Variants in RARB observed in about 807,000 individuals in gnomAD.
The protein encoded by RARB is retinoic acid receptor beta, also known as HBV-activated protein.
A neutral mutation model predicts 51.9 loss-of-function variants in RARB; 17 were observed. That is an observed-to-expected ratio of 0.33 (90% CI 0.22 to 0.49). The LOEUF (loss-of-function observed/expected upper bound fraction) is 0.49, where lower values mean the gene tolerates loss of function less well. Among genes scored for constraint, RARB ranks in the 20% least tolerant of loss-of-function variants. The pLI, the probability that RARB is intolerant of heterozygous loss-of-function variation, is 0.99. For missense variants in RARB, 369 were observed against 550.8 expected, an observed-to-expected ratio of 0.67 and a Z score of 3.30; for synonymous variants, 215 against 195.4, an observed-to-expected ratio of 1.10 and a Z score of -0.84.
intron 5 of RARB, among the ~76,000 whole-genome samples, chr3:25,248,372 T>C (rs1702620257): frequency 6.6e-6 from 1 of 152,192 alleles, no homozygotes. Context: ...CATTCAAGAT[T>C]ATTATTGATA....
At chr3:24,980,264 C>G (rs17422963) in intron 2 of RARB, among the ~76,000 whole-genome samples, 2 of 152,088 alleles carry the variant, frequency 1.3e-5, no homozygotes, top group South Asian at 4.1e-4. Context: ...TTGCTCTTCT[C>G]AAGGAGTATC....
At chr3:25,497,431 T>C (rs1452907019) in intron 2 of RARB, among the ~76,000 whole-genome samples, 1 of 152,150 alleles carries the variant, frequency 6.6e-6, no homozygotes, top group Non-Finnish European at 1.5e-5. Context: ...ACCTCTTCTT[T>C]CGCCAAAATA....
At chr3:24,966,985 C>G (rs1696289089) in intron 2 of RARB, among the ~76,000 whole-genome samples, 1 of 152,120 alleles carries the variant, frequency 6.6e-6, no homozygotes, top group South Asian at 2.1e-4. Context: ...AGTCACAAAC[C>G]AGATGCCCAT....
intron 3 of RARB, among the ~76,000 whole-genome samples, chr3:25,108,376 T>C (rs1699545307): frequency 6.6e-6 from 1 of 152,210 alleles, no homozygotes; most frequent in South Asian, 2.1e-4. Context: ...ACCAGGTAGT[T>C]ATCTTTCAAA....
chr3:25,087,079 A>AT (rs1288673319), intron 3 of RARB, among the ~76,000 whole-genome samples: 1 of 151,988 alleles, frequency 6.6e-6, no homozygotes, highest in Non-Finnish European at 1.5e-5. Context: ...ATATAATTCG[A>AT]TTTTTTTCAG....
intron 3 of RARB, among the ~76,000 whole-genome samples, chr3:25,131,084 G>T (rs958192996): frequency 6.6e-6 from 1 of 151,392 alleles, no homozygotes; most frequent in Non-Finnish European, 1.5e-5. Flanking sequence ...CTCTGTTTAT[G>T]TGGAATCAAC....
intron 5 of RARB, among the ~76,000 whole-genome samples, chr3:25,350,494 A>G (rs921781676): frequency 5.3e-5 from 8 of 152,120 alleles, no homozygotes; most frequent in African/African-American, 1.9e-4. Context: ...TTTCTGCCCA[A>G]ACACTCTTCT....
chr3:25,417,423 T>C (rs2125504396), intron 5 of RARB, among the ~76,000 whole-genome samples: 1 of 152,286 alleles, frequency 6.6e-6, no homozygotes, highest in Non-Finnish European at 1.5e-5. Context: ...GGGAGGGACC[T>C]GGTGGGAGGT....
At chr3:25,546,811 G>GT (rs1699638185) in intron 3 of RARB, among the ~76,000 whole-genome samples, 1 of 152,106 alleles carries the variant, frequency 6.6e-6, no homozygotes, top group Non-Finnish European at 1.5e-5. Flanking sequence ...TTTATTCTGA[G>GT]TTTTTTCTCG....
At chr3:25,408,901 A>G (rs1991788) in intron 5 of RARB, among the ~76,000 whole-genome samples, 127,286 of 152,026 alleles carry the variant, frequency 0.84, 53,598 homozygotes, top group East Asian at 1. Flanking sequence ...GGGCGTGGTG[A>G]CAGGCATCTG....
At chr3:25,442,327 G>A (rs912409006) in intron 1 of RARB, among the ~76,000 whole-genome samples, 2 of 151,916 alleles carry the variant, frequency 1.3e-5, no homozygotes, top group African/African-American at 2.4e-5. Context: ...GTAGAGACGG[G>A]GTTTCATCAT....
At chr3:25,399,594 G>A (rs1401996745) in intron 5 of RARB, among the ~76,000 whole-genome samples, 1 of 152,184 alleles carries the variant, frequency 6.6e-6, no homozygotes, top group Non-Finnish European at 1.5e-5. Flanking sequence ...AAGAGAGTAG[G>A]AAGGTAGCAA....
intron 3 of RARB, among the ~76,000 whole-genome samples, chr3:25,076,968 A>T (rs769917148): frequency 2.0e-5 from 3 of 152,226 alleles, no homozygotes; most frequent in Non-Finnish European, 4.4e-5. Context: ...AAGTGAGGAC[A>T]TCAGGTCTCT....
At chr3:25,491,663 G>A (rs1042624822) in intron 2 of RARB, among the ~76,000 whole-genome samples, 4 of 152,174 alleles carry the variant, frequency 2.6e-5, no homozygotes, top group Non-Finnish European at 4.4e-5. Context: ...AGGGCTGGGC[G>A]TGCGTGGTAC....
At chr3:25,290,186 TC>T (rs1221894717) in intron 5 of RARB, among the ~76,000 whole-genome samples, 1 of 152,090 alleles carries the variant, frequency 6.6e-6, no homozygotes, top group Admixed American at 6.6e-5. Context: ...TGAAGACCTA[TC>T]CCCCAGGACT....
chr3:25,358,848 A>G (rs532419183), intron 5 of RARB, among the ~76,000 whole-genome samples: 10 of 152,280 alleles, frequency 6.6e-5, no homozygotes, highest in East Asian at 5.8e-4. Context: ...CATGGTGAAT[A>G]AGATTTTTAA....
rs138649173 is a variant in RARB at position 25,253,788 on chromosome 3, G to A, written c.178+79213G>A. ...CTATAAAGGTTACATTATTTGAAGCGTACTAAAAGACCCCTTTCTTTTCCA... is the reference window on the plus strand; with the variant it reads ...CTATAAAGGTTACATTATTTGAAGCATACTAAAAGACCCCTTTCTTTTCCA... On this transcript the variant is annotated intron_variant, in intron 5 of 11. Transcript: ENST00000383772. Among the ~76,000 whole-genome samples, 480 of 152,192 alleles carry A rather than the reference G, an allele frequency of 3.2e-3. 2 individuals carry two copies. Among genetic ancestry groups the A allele is most frequent in the African/African-American group, 0.011 (441 of 41,542 alleles).
intron 2 of RARB, among the ~76,000 whole-genome samples, chr3:24,962,547 C>T (rs556998018): frequency 2.6e-4 from 40 of 152,282 alleles, no homozygotes; most frequent in Non-Finnish European, 4.6e-4. Context: ...GGAACTAGGC[C>T]GCACAGCAGG....
chr3:24,973,285 A>G (rs184398505), intron 2 of RARB, among the ~76,000 whole-genome samples: 1 of 152,204 alleles, frequency 6.6e-6, no homozygotes, highest in East Asian at 1.9e-4. Flanking sequence ...AGTTGGCTGT[A>G]AAAGTGTAGA....
Sources: gnomAD v4.1 joint callset for allele counts (sites outside exome capture counted in the v4.1 genomes callset) on GRCh38, gnomAD v4.1.1 for gene constraint, MANE v1.5 for transcripts, NCBI Gene and HGNC (gene_info 2026-07-23, HGNC 2026-07-21) for gene names.